FRMD4B: variants seen among roughly 807,000 people sequenced by gnomAD.
FRMD4B encodes FERM domain containing 4B.
In FRMD4B, 74 loss-of-function variants were observed where a neutral mutation model predicts 141.5. The observed-to-expected ratio is 0.52, with a 90% CI of 0.43 to 0.63. FRMD4B has a LOEUF of 0.63. Among genes scored for constraint, FRMD4B ranks in the 30% least tolerant of loss-of-function variants. The probability of loss-of-function intolerance (pLI) is 0.00; values close to 1 mark genes in which losing one functional copy is unlikely to be tolerated. For synonymous variants in FRMD4B, 506 were observed against 467.9 expected, an observed-to-expected ratio of 1.08 and a Z score of -1.05; for missense variants, 1,366 against 1,253.4, an observed-to-expected ratio of 1.09 and a Z score of -1.36.
At chr3:69,532,723 C>G (rs546166478) in intron 1 of FRMD4B, among the ~76,000 whole-genome samples, 46 of 152,334 alleles carry the variant, frequency 3.0e-4, no homozygotes, top group Non-Finnish European at 5.7e-4. Flanking sequence ...GTCCCGCATT[C>G]TGGTCACATA....
chr3:69,474,501 C>A (rs932146348), intron 1 of FRMD4B, among the ~76,000 whole-genome samples: 10 of 152,064 alleles, frequency 6.6e-5, no homozygotes, highest in Non-Finnish European at 1.5e-4. Context: ...ATCCCCAGCC[C>A]AAAGGAAGGA....
intron 7 of FRMD4B, among the ~76,000 whole-genome samples, chr3:69,234,091 C>T (rs973330774): frequency 6.6e-6 from 1 of 151,908 alleles, no homozygotes; most frequent in African/African-American, 2.4e-5. Context: ...ACTTAAAATA[C>T]AAAAATTAGC....
chr3:69,232,210 C>T (rs1326733470), intron 7 of FRMD4B, among the ~76,000 whole-genome samples: 2 of 152,180 alleles, frequency 1.3e-5, no homozygotes, highest in Non-Finnish European at 2.9e-5. Flanking sequence ...TAAAGATGCA[C>T]TTGACCAGAA....
At chr3:69,228,451 T>A (rs774840791) in intron 7 of FRMD4B, 3 of 456,778 alleles carry the variant, frequency 6.6e-6, no homozygotes, top group South Asian at 4.6e-5. Flanking sequence ...TGGTGTGAAC[T>A]CTGAAGAGAG....
In FRMD4B at chr3:69,313,460, G is replaced by T; in HGVS notation, c.220C>A (p.Leu74Met). 1 of 1,569,914 alleles carries T rather than the reference G, an allele frequency of 6.4e-7. No individual in the cohort carries two copies. Among genetic ancestry groups the T allele is most frequent in the Middle Eastern group, 1.7e-4 (1 of 6,012 alleles). The change falls in exon 2 of 23, where the codon CTG (leucine) becomes ATG (methionine). Residue 74 changes from leucine (L) to methionine (M), a missense_variant. Physicochemically the swap from Leu to Met is conservative, Grantham distance 15. Coordinates refer to ENST00000398540, the MANE Select transcript of FRMD4B (RefSeq NM_015123.3). ...HLLDDRRLELLVQPKLLAREL... is the reference protein window; with the variant it reads ...HLLDDRRLELMVQPKLLAREL... ...ATGTGGGCCACACCTACCTGAACCA[G>T]CAGCTCCAGTCTCCTATCATCCAGG...
chr3:69,314,575 T>C (rs1196412010), intron 1 of FRMD4B, among the ~76,000 whole-genome samples: 1 of 149,552 alleles, frequency 6.7e-6, no homozygotes, highest in African/African-American at 2.5e-5. Context: ...GGCTCACGCC[T>C]GTAATCCCAA....
chr3:69,265,935 G>A (rs568581167), intron 5 of FRMD4B, among the ~76,000 whole-genome samples: 92 of 151,994 alleles, frequency 6.1e-4, no homozygotes, highest in Non-Finnish European at 1.1e-3. Context: ...TGTGGTTCAC[G>A]CCTGTAATCC....
chr3:69,168,965 A>G lies in FRMD4B; in HGVS notation c.*2896T>C, dbSNP rs978502876. Among the ~76,000 whole-genome samples the G allele has an allele frequency of 1.3e-5, 2 of 150,174 alleles. No individual in the cohort carries two copies. The highest frequency in any genetic ancestry group is 3.0e-5 in the Non-Finnish European group (2 of 67,542). ...GAGGTAGATCAGTATGTCTTGATAC[A>G]GAGGCCCAAGATATATTAGGCAGAA... On this transcript the variant is annotated 3_prime_UTR_variant, in exon 23 of 23. Coordinates refer to ENST00000398540, the MANE Select transcript of FRMD4B (RefSeq NM_015123.3).
At chr3:69,526,142 C>T (rs1700928569) in intron 1 of FRMD4B, among the ~76,000 whole-genome samples, 1 of 152,096 alleles carries the variant, frequency 6.6e-6, no homozygotes, top group Non-Finnish European at 1.5e-5. Flanking sequence ...TATGCACCTA[C>T]AAATTATTAG....
chr3:69,312,748 A>T (rs538900956), intron 2 of FRMD4B, among the ~76,000 whole-genome samples: 1 of 152,216 alleles, frequency 6.6e-6, no homozygotes, highest in Admixed American at 6.5e-5. Context: ...AAAATACAAA[A>T]ATTACCCCGG....
chr3:69,489,014 G>A (rs186298246), intron 1 of FRMD4B, among the ~76,000 whole-genome samples: 8 of 151,856 alleles, frequency 5.3e-5, no homozygotes, highest in African/African-American at 1.7e-4. Context: ...AGCACAAGCA[G>A]TAAAAGAGAA....
upstream of FRMD4B, chr3:69,386,118 A>G: frequency 1.2e-6 from 1 of 853,958 alleles, no homozygotes; most frequent in Non-Finnish European, 1.7e-6. Context: ...CTGCCACCAA[A>G]CTCGTCTTTC....
At chr3:69,484,540 C>A (rs369097323) in intron 1 of FRMD4B, among the ~76,000 whole-genome samples, 2 of 152,020 alleles carry the variant, frequency 1.3e-5, no homozygotes, top group African/African-American at 2.4e-5. Flanking sequence ...AGAGGAGACC[C>A]GCAGTGATTA....
intron 22 of FRMD4B, among the ~76,000 whole-genome samples, chr3:69,175,926 G>A (rs1188486556): frequency 6.6e-6 from 1 of 151,738 alleles, no homozygotes; most frequent in Non-Finnish European, 1.5e-5. Context: ...GACTACAAGC[G>A]CCCGCCACCA....
intron 1 of FRMD4B, among the ~76,000 whole-genome samples, chr3:69,479,129 C>T (rs545042757): frequency 6.7e-6 from 1 of 148,362 alleles, no homozygotes; most frequent in African/African-American, 2.5e-5. Flanking sequence ...TTCCTGAATA[C>T]AGCACACTGA....
At chr3:69,213,980 A>T (rs1035970835) in intron 11 of FRMD4B, among the ~76,000 whole-genome samples, 1 of 152,014 alleles carries the variant, frequency 6.6e-6, no homozygotes, top group African/African-American at 2.4e-5. Context: ...CCTCGGCCTT[A>T]TCAATAATTT....
At chr3:69,252,013 T>G (rs142979873) in intron 5 of FRMD4B, among the ~76,000 whole-genome samples, 46 of 152,310 alleles carry the variant, frequency 3.0e-4, no homozygotes, top group African/African-American at 1.0e-3. Context: ...AAAAAATTAC[T>G]TAAGATGTTA....
At chr3:69,394,364 T>C (rs959042707) in intron 2 of FRMD4B, among the ~76,000 whole-genome samples, 1 of 152,226 alleles carries the variant, frequency 6.6e-6, no homozygotes, top group African/African-American at 2.4e-5. Flanking sequence ...CAAATACGGA[T>C]CTTGGGAAGA....
At chr3:69,307,814 G>A (rs1202569882) in intron 3 of FRMD4B, among the ~76,000 whole-genome samples, 1 of 152,156 alleles carries the variant, frequency 6.6e-6, no homozygotes, top group African/African-American at 2.4e-5. Flanking sequence ...GACACTGCAA[G>A]TCAAAGCCGC....
Sources: allele counts gnomAD v4.1 joint callset (sites outside exome capture counted in the v4.1 genomes callset), GRCh38; gene constraint gnomAD v4.1.1; transcripts MANE v1.5; gene names NCBI Gene and HGNC (gene_info 2026-07-23, HGNC 2026-07-21).